The following ABTB3 variants were observed in gnomAD, a reference collection of about 807,000 sequenced individuals.
ABTB3 encodes ankyrin repeat and BTB domain containing 3.
the ABTB3 span, among the ~76,000 whole-genome samples, chr12:107,619,407 C>G: frequency 6.6e-6 from 1 of 152,154 alleles, no homozygotes; most frequent in Non-Finnish European, 1.5e-5. Flanking sequence ...AGAGGAGCAG[C>G]AGGAATATCC....
chr12:107,336,506 G>A, the ABTB3 span, among the ~76,000 whole-genome samples: 1 of 152,194 alleles, frequency 6.6e-6, no homozygotes, highest in Non-Finnish European at 1.5e-5. Context: ...AACCTCATAG[G>A]AGTGTTTGGG....
the ABTB3 span, among the ~76,000 whole-genome samples, chr12:107,473,799 CTTTTTCTTTTTTTT>C: frequency 6.7e-6 from 1 of 148,436 alleles, no homozygotes; most frequent in African/African-American, 2.5e-5. Context: ...CATTTCTTTT[CTTTTTCTTTTTTTT>C]TTTTTTGAGA....
the ABTB3 span, among the ~76,000 whole-genome samples, chr12:107,368,025 A>G: frequency 6.6e-6 from 1 of 152,170 alleles, no homozygotes; most frequent in Non-Finnish European, 1.5e-5. Context: ...ATATCTATCC[A>G]TGTTGGTTGT....
At chr12:107,406,166 G>GT in the ABTB3 span, among the ~76,000 whole-genome samples, 2 of 152,190 alleles carry the variant, frequency 1.3e-5, no homozygotes, top group African/African-American at 2.4e-5. Flanking sequence ...GTCCCATGGG[G>GT]TTGTTGCAAA....
the ABTB3 span, chr12:107,610,027 A>G: frequency 1.3e-6 from 1 of 771,828 alleles, no homozygotes; most frequent in South Asian, 1.7e-5. Flanking sequence ...ATAAAGGACA[A>G]AGGATCAAGA....
At chr12:107,398,999 G>A in the ABTB3 span, among the ~76,000 whole-genome samples, 3 of 152,120 alleles carry the variant, frequency 2.0e-5, no homozygotes, top group South Asian at 6.2e-4. Flanking sequence ...CTAATGCACT[G>A]AGAGTGAAAA....
chr12:107,437,542 G>GGGAT, the ABTB3 span, among the ~76,000 whole-genome samples: 1 of 152,014 alleles, frequency 6.6e-6, no homozygotes, highest in African/African-American at 2.4e-5. Flanking sequence ...GATTACAGGT[G>GGGAT]TATGCCACCA....
the ABTB3 span, among the ~76,000 whole-genome samples, chr12:107,572,859 C>A: frequency 6.6e-6 from 1 of 152,154 alleles, no homozygotes; most frequent in Non-Finnish European, 1.5e-5. Context: ...TCTGCCTAGA[C>A]CTGCCTGTCC....
chr12:107,404,075 AT>A, the ABTB3 span, among the ~76,000 whole-genome samples: 1 of 143,056 alleles, frequency 7.0e-6, no homozygotes, highest in South Asian at 2.5e-4. Context: ...AGGCAGGAGA[AT>A]TGCTTGAACC....
the ABTB3 span, chr12:107,620,096 G>A: frequency 3.1e-6 from 5 of 1,614,216 alleles, no homozygotes; most frequent in Non-Finnish European, 4.2e-6. Context: ...CATTCAGGAG[G>A]AGGAATACAC....
At chr12:107,563,964 T>A in the ABTB3 span, among the ~76,000 whole-genome samples, 1 of 152,164 alleles carries the variant, frequency 6.6e-6, no homozygotes, top group Non-Finnish European at 1.5e-5. Flanking sequence ...GATTTCCATG[T>A]TAGTGCATTT....
chr12:107,319,640 G>T, the ABTB3 span: 6 of 1,536,866 alleles, frequency 3.9e-6, no homozygotes, highest in Non-Finnish European at 5.2e-6. Flanking sequence ...CGAGCACGCC[G>T]CCATCTACCT....
the ABTB3 span, among the ~76,000 whole-genome samples, chr12:107,500,925 C>T: frequency 5.3e-5 from 8 of 152,194 alleles, no homozygotes; most frequent in African/African-American, 1.9e-4. Flanking sequence ...CCTTATGAGA[C>T]CTTTCCTGAC....
chr12:107,534,607 G>C, the ABTB3 span, among the ~76,000 whole-genome samples: 3 of 152,016 alleles, frequency 2.0e-5, no homozygotes, highest in Non-Finnish European at 4.4e-5. Flanking sequence ...AAAAAAGGAG[G>C]CATTACAACT....
the ABTB3 span, among the ~76,000 whole-genome samples, chr12:107,359,123 A>G: frequency 6.6e-6 from 1 of 152,222 alleles, no homozygotes; most frequent in East Asian, 1.9e-4. Flanking sequence ...CTGGAAGTTG[A>G]CATTCATACT....
chr12:107,619,913 C>G, the ABTB3 span: 2 of 1,394,896 alleles, frequency 1.4e-6, no homozygotes, highest in Non-Finnish European at 1.9e-6. Context: ...GCCTGCTCCT[C>G]TGGTTGTTTT....
chr12:107,429,125 C>T, the ABTB3 span, among the ~76,000 whole-genome samples: 8 of 152,204 alleles, frequency 5.3e-5, no homozygotes, highest in Non-Finnish European at 1.0e-4. Flanking sequence ...TCTGGCTTAA[C>T]GCACAGAAAG....
chr12:107,328,779 C>T, the ABTB3 span, among the ~76,000 whole-genome samples: 1 of 152,182 alleles, frequency 6.6e-6, no homozygotes, highest in Non-Finnish European at 1.5e-5. Flanking sequence ...ACTGCCGCAG[C>T]CCAGTGGTGA....
the ABTB3 span, among the ~76,000 whole-genome samples, chr12:107,405,806 G>A: frequency 3.3e-5 from 5 of 152,334 alleles, no homozygotes; most frequent in South Asian, 2.1e-4. Context: ...AGGGCCCATC[G>A]TCTGCATGAA....
Sources: gnomAD v4.1 joint callset for allele counts (sites outside exome capture counted in the v4.1 genomes callset) on GRCh38, gnomAD v4.1.1 for gene constraint, MANE v1.5 for transcripts, NCBI Gene and HGNC (gene_info 2026-07-23, HGNC 2026-07-21) for gene names.